The following DYRK4 variants were observed in gnomAD, a reference collection of about 807,000 sequenced individuals.
The protein encoded by DYRK4 is dual specificity tyrosine-phosphorylation-regulated kinase 4.
Under a neutral mutation model 68.3 loss-of-function variants are expected in DYRK4, and 64 were observed. The observed-to-expected ratio is 0.94, with a 90% CI of 0.77 to 1.15. The LOEUF is 1.15. DYRK4 is among the 50% of genes most tolerant of loss of function. The pLI is 0.00. For missense variants in DYRK4, 740 were observed against 764.7 expected, an observed-to-expected ratio of 0.97 and a Z score of 0.38; for synonymous variants, 274 against 289.9, an observed-to-expected ratio of 0.95 and a Z score of 0.56.
intron 4 of DYRK4, 119 bp downstream of exon 4, chr12:4,590,559 G>C: frequency 6.9e-7 from 1 of 1,444,034 alleles, no homozygotes. Context: ...GAAGAGGTGG[G>C]TTCTAGTCCT....
At chr12:4,595,028 C>G (rs181891151) in intron 6 of DYRK4, among the ~76,000 whole-genome samples, 2 of 152,164 alleles carry the variant, frequency 1.3e-5, no homozygotes, top group Admixed American at 1.3e-4. Flanking sequence ...GACTTGCGAA[C>G]GAACAATTAT....
chr12:4,582,525 A>G (rs929093730), intron 2 of DYRK4, among the ~76,000 whole-genome samples: 4 of 152,180 alleles, frequency 2.6e-5, no homozygotes, highest in Non-Finnish European at 4.4e-5. Flanking sequence ...CAGTAAAACA[A>G]CCTTGTCTAA....
chr12:4,563,076 A>T, intron 1 of DYRK4: 1 of 456,020 alleles, frequency 2.2e-6, no homozygotes, highest in Admixed American at 2.3e-5. Context: ...GAGACTCGGC[A>T]AAAGCAGGAG....
At chr12:4,593,267 C>A in intron 6 of DYRK4, 102 bp downstream of exon 6, 3 of 1,315,868 alleles carry the variant, frequency 2.3e-6, no homozygotes, top group Admixed American at 5.1e-5. Context: ...GGGGCTGATA[C>A]GTTGGAGACT....
Position 4,610,426 on chromosome 12 carries a change from A to G in DYRK4, c.1490+142A>G. On this transcript the variant is annotated intron_variant, in intron 13 of 14. Coordinates refer to ENST00000543431, the MANE Select transcript of DYRK4 (RefSeq NM_001394779.1). ...TAACAATAGAGCTTTAAAGTCTACA[A>G]ATTGCTTCCACATCTGTTGTTTCAT... is the stretch of plus-strand genomic sequence containing the variant. The G allele has an allele frequency of 4.8e-6, 4 of 835,402 alleles. No homozygotes were observed. In the South Asian group the frequency reaches 7.8e-5, roughly 16 times the overall value. 51.7% of individuals were successfully genotyped at this position (835,402 alleles called of 1,614,324 possible).
At chr12:4,607,523 T>C in intron 12 of DYRK4, 136 bp downstream of exon 12, 1 of 947,322 alleles carries the variant, frequency 1.1e-6, no homozygotes, top group Non-Finnish European at 1.6e-6. Flanking sequence ...AAGTAAAAGA[T>C]AATGAGCAGG....
At chr12:4,589,632 A>G (rs1017619737) in intron 3 of DYRK4, among the ~76,000 whole-genome samples, 1 of 152,204 alleles carries the variant, frequency 6.6e-6, no homozygotes, top group African/African-American at 2.4e-5. Flanking sequence ...CTCTAGTTCT[A>G]TCCATATTCT....
chr12:4,582,240 T>A (rs1387154725), intron 2 of DYRK4, among the ~76,000 whole-genome samples: 6 of 151,884 alleles, frequency 4.0e-5, no homozygotes, highest in African/African-American at 1.5e-4. Context: ...AGGTCGGGAG[T>A]TCGAGACCAG....
intron 2 of DYRK4, among the ~76,000 whole-genome samples, chr12:4,575,500 G>C (rs1944779930): frequency 6.6e-6 from 1 of 151,990 alleles, no homozygotes; most frequent in Non-Finnish European, 1.5e-5. Context: ...TAGTAGAGAC[G>C]GGGTTTCACT....
In DYRK4 at chr12:4,596,710, A is replaced by G. The variant is rs755413598; in HGVS notation, c.886A>G (p.Ile296Val). The G allele has an allele frequency of 1.9e-6, 3 of 1,614,196 alleles. No individual in the cohort carries two copies. The highest frequency in any genetic ancestry group is 1.6e-4 in the Middle Eastern group (1 of 6,062). The change falls in exon 8 of 15, where the codon ATC becomes GTC. Residue 296 changes from isoleucine (I) to valine (V), a missense_variant. By Grantham distance (29) the Ile-to-Val change is conservative. This residue lies in a region of DYRK4 where 614 missense variants were observed against 603.7 expected (regional missense o/e 1.02). Transcript: ENST00000543431. ...DFFYFRNHFC[I>V]TFELLGINLY... The stretch of plus-strand genomic sequence containing the variant: ...TTTCTACTTTCGCAATCACTTCTGC[A>G]TCACCTTTGAGCTCCTGGGGTCAGC...
intron 2 of DYRK4, among the ~76,000 whole-genome samples, chr12:4,574,913 T>A (rs1183564898): frequency 6.6e-6 from 1 of 152,224 alleles, no homozygotes; most frequent in African/African-American, 2.4e-5. Context: ...AAATGGGGTT[T>A]CACCTTGTTG....
intron 1 of DYRK4, among the ~76,000 whole-genome samples, chr12:4,565,502 T>A (rs2137314370): frequency 6.6e-6 from 1 of 152,318 alleles, no homozygotes; most frequent in Admixed American, 6.5e-5. Flanking sequence ...GTGTGTTAGG[T>A]GGCATTGTGA....
chr12:4,580,847 G>A, intron 2 of DYRK4: 2 of 455,890 alleles, frequency 4.4e-6, no homozygotes, highest in South Asian at 3.1e-5. Context: ...GGAGTCAGCT[G>A]AGAAAACAGG....
At chr12:4,602,528 G>T in intron 10 of DYRK4, 2 of 1,192,854 alleles carry the variant, frequency 1.7e-6, no homozygotes, top group Non-Finnish European at 2.4e-6. Flanking sequence ...TGGGATATAA[G>T]CCAACTTATA....
chr12:4,581,974 T>C (rs896377175), intron 2 of DYRK4, among the ~76,000 whole-genome samples: 15 of 152,252 alleles, frequency 9.9e-5, no homozygotes, highest in African/African-American at 3.6e-4. Flanking sequence ...ATACACTTTA[T>C]GCATGTGGCC....
chr12:4,596,074 G>A (rs1465318371), intron 6 of DYRK4, 75 bp from the exon 7 acceptor site: 92 of 1,517,170 alleles, frequency 6.1e-5, no homozygotes, highest in Non-Finnish European at 8.1e-5. Flanking sequence ...CTGGGGATGG[G>A]AATGCCAGGG....
intron 2 of DYRK4, among the ~76,000 whole-genome samples, chr12:4,588,042 C>T (rs926457383): frequency 6.6e-6 from 1 of 152,170 alleles, no homozygotes; most frequent in Non-Finnish European, 1.5e-5. Context: ...CTACATAGTC[C>T]TCACACTCTG....
chr12:4,600,859 C>G, intron 10 of DYRK4, among the ~76,000 whole-genome samples: 1 of 148,606 alleles, frequency 6.7e-6, no homozygotes, highest in South Asian at 2.2e-4. Flanking sequence ...GCCCCTTCCC[C>G]CTTCCTAGAA....
chr12:4,602,008 C>A, intron 10 of DYRK4: 1 of 326,322 alleles, frequency 3.1e-6, no homozygotes, highest in Non-Finnish European at 5.7e-6. Context: ...AAATAGGAAT[C>A]ATTTTATTTT....
Sources: allele counts gnomAD v4.1 joint callset (sites outside exome capture counted in the v4.1 genomes callset), GRCh38; gene constraint gnomAD v4.1.1; regional missense constraint gnomAD v4.1.1; transcripts MANE v1.5; gene names NCBI Gene and HGNC (gene_info 2026-07-23, HGNC 2026-07-21).